Variants in RAD21L1 observed in about 807,000 individuals in gnomAD.
RAD21L1 encodes RAD21 cohesin complex component like 1.
RAD21L1 carries 47 observed loss-of-function variants against 69.0 expected under a neutral mutation model. The observed-to-expected ratio is 0.68, with a 90% confidence interval of 0.54 to 0.87. The LOEUF (loss-of-function observed/expected upper bound fraction) is 0.87, where lower values mean the gene tolerates loss of function less well. Among genes scored for constraint, RAD21L1 ranks in the 40% least tolerant of loss-of-function variants. The pLI, the probability that RAD21L1 is intolerant of heterozygous loss-of-function variation, is 0.00. For missense variants in RAD21L1, 583 were observed against 647.6 expected (o/e 0.90, Z 1.08); for synonymous variants, 177 against 205.8 (o/e 0.86, Z 1.20).
intron 8 of RAD21L1, among the ~76,000 whole-genome samples, chr20:1,241,178 C>T (rs894437084): frequency 1.3e-5 from 2 of 152,208 alleles, no homozygotes; most frequent in African/African-American, 2.4e-5. Flanking sequence ...AGCCATTACT[C>T]TGTAGTGGGC....
intron 4 of RAD21L1, among the ~76,000 whole-genome samples, chr20:1,232,713 T>C (rs2087416190): frequency 6.6e-6 from 1 of 152,192 alleles, no homozygotes; most frequent in African/African-American, 2.4e-5. Context: ...GGGATGACTG[T>C]TACACATCTG....
chr20:1,247,030 G>A (rs1229410763), intron 12 of RAD21L1, among the ~76,000 whole-genome samples: 2 of 152,052 alleles, frequency 1.3e-5, no homozygotes, highest in African/African-American at 4.8e-5. Context: ...TTTCATACAA[G>A]GAAAAGAGAC....
intron 1 of RAD21L1, among the ~76,000 whole-genome samples, chr20:1,228,179 A>G (rs1285960632): frequency 6.6e-6 from 1 of 152,340 alleles, no homozygotes; most frequent in East Asian, 1.9e-4. Context: ...TGAAGAAATC[A>G]TTAATCAGGA....
At chr20:1,229,808 T>A (rs1484881341) in intron 2 of RAD21L1, 72 bp from the exon 3 acceptor site, 2 of 1,153,324 alleles carry the variant, frequency 1.7e-6, no homozygotes, top group Non-Finnish European at 2.4e-6. Flanking sequence ...TCTTACGATG[T>A]CAGTAACTTT....
intron 3 of RAD21L1, among the ~76,000 whole-genome samples, chr20:1,231,292 T>G (rs1474419059): frequency 6.6e-6 from 1 of 152,216 alleles, no homozygotes; most frequent in Non-Finnish European, 1.5e-5. Context: ...AATTTTGATT[T>G]TATTAAATGC....
chr20:1,230,594 A>G (rs966003442), intron 3 of RAD21L1: 27 of 324,682 alleles, frequency 8.3e-5, no homozygotes, highest in Non-Finnish European at 2.2e-5. Flanking sequence ...ACTAGTCTTC[A>G]AGCTTCTTGA....
intron 10 of RAD21L1, 79 bp downstream of exon 10, chr20:1,243,275 G>A: frequency 1.5e-6 from 1 of 655,086 alleles, no homozygotes; most frequent in African/African-American, 1.9e-5. Context: ...TCAAAATGAA[G>A]GTGGGATCCA....
At chr20:1,235,735 C>G (rs1468923692) in intron 5 of RAD21L1, among the ~76,000 whole-genome samples, 1 of 151,890 alleles carries the variant, frequency 6.6e-6, no homozygotes, top group Non-Finnish European at 1.5e-5. Flanking sequence ...TACAAATTCC[C>G]CTACTATTCT....
Position 1,230,009 on chromosome 20 carries a change from G to T in RAD21L1, c.274G>T (p.Gly92Ter). 6.5e-7 allele frequency: 1 copy of T among 1,543,970 alleles called. No individual in the cohort carries two copies. Among genetic ancestry groups the T allele is most frequent in the South Asian group, 1.2e-5 (1 of 83,226 alleles). ...FLKMKMTFCP[G>*]LVDLPKENFE... ...TAAAATGAAGATGACATTTTGCCCA[G>T]GTATACATGTAATATTGATTTGTCT... Residue 92 changes from glycine (G) to a stop codon, truncating the protein, a stop_gained and splice_region_variant, in exon 3 of 14, where the codon GGA becomes TGA. Transcript: ENST00000683101. LOFTEE classifies it high-confidence loss of function.
chr20:1,247,870 G>A lies in RAD21L1; in HGVS notation c.1402-756G>A, dbSNP rs564992985. Among the ~76,000 whole-genome samples the A allele has an allele frequency of 6.6e-5, 10 of 151,996 alleles. No homozygotes were observed. In the South Asian group the frequency reaches 1.9e-3, roughly 28 times the overall value. On this transcript the variant is annotated intron_variant, in intron 12 of 13. Coordinates refer to ENST00000683101, the MANE Select transcript of RAD21L1 (RefSeq NM_001384355.1). ...TAGGAAAAATTATGAAGTAGGCCAG[G>A]TTTGTGCCACTTCCCTTCCCCCAAC...
chr20:1,244,240 C>T (rs1454547884), intron 11 of RAD21L1, 70 bp downstream of exon 11: 1 of 1,077,510 alleles, frequency 9.3e-7, no homozygotes, highest in Non-Finnish European at 1.3e-6. Flanking sequence ...TGTTGGGACT[C>T]TGGTATATTT....
chr20:1,228,743 G>A (rs2087320001), intron 2 of RAD21L1, 146 bp downstream of exon 2: 4 of 622,196 alleles, frequency 6.4e-6, no homozygotes, highest in Non-Finnish European at 1.1e-5. Context: ...AGCATTTAGT[G>A]TTATAACAAA....
At chr20:1,245,144 G>A (rs1351933719) in intron 11 of RAD21L1, among the ~76,000 whole-genome samples, 1 of 152,160 alleles carries the variant, frequency 6.6e-6, no homozygotes, top group African/African-American at 2.4e-5. Flanking sequence ...AGAGAGAAGA[G>A]AGATCGATGT....
chr20:1,235,133 C>A (rs1233030980), intron 5 of RAD21L1, among the ~76,000 whole-genome samples: 2 of 152,110 alleles, frequency 1.3e-5, no homozygotes, highest in Non-Finnish European at 2.9e-5. Context: ...TGTCTTATAT[C>A]ATGATATTTA....
chr20:1,238,405 C>T (rs1041066887), intron 6 of RAD21L1, among the ~76,000 whole-genome samples, 191 bp downstream of exon 6: 3 of 151,876 alleles, frequency 2.0e-5, no homozygotes, highest in Non-Finnish European at 2.9e-5. Flanking sequence ...AGTAAATAGC[C>T]GTCTGTTTAA....
chr20:1,229,748 ATATACT>A (rs2087351689), intron 2 of RAD21L1, 126 bp from the exon 3 acceptor site: 1 of 640,580 alleles, frequency 1.6e-6, no homozygotes, highest in Non-Finnish European at 2.6e-6. Flanking sequence ...GTAAAAAGTG[ATATACT>A]TTAACTAAGA....
In RAD21L1 at chr20:1,254,409, C is replaced by G; in HGVS notation, c.1620C>G (p.Pro540=). 6.5e-7 allele frequency: 1 copy of G among 1,549,176 alleles called. No individual in the cohort carries two copies. Among genetic ancestry groups the G allele is most frequent in the Non-Finnish European group, 8.7e-7 (1 of 1,145,696 alleles). Residue 540 remains proline, a synonymous_variant, in exon 14 of 14, where the codon CCC becomes CCG. Coordinates refer to ENST00000683101, the MANE Select transcript of RAD21L1 (RefSeq NM_001384355.1). ...QLAIELSQSA[P]YADIIATMGP... Reference sequence around the variant, plus strand: ...CTATTGAGCTGAGCCAGAGTGCTCCCTATGCAGATATTATAGCTACGATGG... The same window carrying G: ...CTATTGAGCTGAGCCAGAGTGCTCCGTATGCAGATATTATAGCTACGATGG...
chr20:1,242,938 CAG>C (rs1352141713), intron 9 of RAD21L1, 93 bp downstream of exon 9: 10 of 969,130 alleles, frequency 1.0e-5, no homozygotes, highest in Non-Finnish European at 1.6e-5. Context: ...ACATATATAA[CAG>C]AATTTAAACT....
At chr20:1,241,089 TA>T (rs1238424819) in intron 8 of RAD21L1, among the ~76,000 whole-genome samples, 2 of 152,252 alleles carry the variant, frequency 1.3e-5, no homozygotes, top group East Asian at 3.8e-4. Flanking sequence ...ACTTGCATTA[TA>T]TTCAGTCCTG....
Sources: allele counts gnomAD v4.1 joint callset (sites outside exome capture counted in the v4.1 genomes callset), GRCh38; gene constraint gnomAD v4.1.1; transcripts MANE v1.5; gene names NCBI Gene and HGNC (gene_info 2026-07-23, HGNC 2026-07-21).